The following FMN1 variants were observed in gnomAD, a reference collection of about 807,000 sequenced individuals.
FMN1 encodes the protein formin 1, also known as formin-1.
In FMN1, 110 loss-of-function variants were observed where a neutral mutation model predicts 132.4. That is an observed-to-expected ratio of 0.83 (90% confidence interval 0.71 to 0.97). FMN1 has a LOEUF of 0.97. FMN1 is among the 50% of genes least tolerant of loss of function. The pLI, the probability that FMN1 is intolerant of heterozygous loss-of-function variation, is 0.00. For missense variants in FMN1, 1,792 were observed against 1,705.3 expected (o/e 1.05, Z -0.90); for synonymous variants, 722 against 651.7 (o/e 1.11, Z -1.64).
At chr15:33,132,054 G>C (rs911078081) in intron 4 of FMN1, among the ~76,000 whole-genome samples, 1 of 152,074 alleles carries the variant, frequency 6.6e-6, no homozygotes, top group African/African-American at 2.4e-5. Context: ...ATTCAGACCA[G>C]TTAGGCAAAG....
intron 5 of FMN1, among the ~76,000 whole-genome samples, chr15:33,074,321 T>C (rs1291074659): frequency 2.0e-5 from 3 of 152,210 alleles, no homozygotes; most frequent in African/African-American, 7.2e-5. Context: ...GAGATACCCT[T>C]ACACATCTAG....
chr15:33,093,891 A>G (rs527631436), intron 4 of FMN1, among the ~76,000 whole-genome samples: 1 of 152,326 alleles, frequency 6.6e-6, no homozygotes, highest in Admixed American at 6.5e-5. Context: ...AAAATAAAAC[A>G]AATTTACAGT....
At chr15:32,945,428 T>C (rs1038683937) in intron 9 of FMN1, among the ~76,000 whole-genome samples, 8 of 152,174 alleles carry the variant, frequency 5.3e-5, no homozygotes, top group African/African-American at 1.9e-4. Context: ...TAACAAAGTT[T>C]GCATGACCTT....
intron 7 of FMN1, among the ~76,000 whole-genome samples, chr15:32,993,434 A>G (rs1435283673): frequency 1.3e-5 from 2 of 151,768 alleles, no homozygotes; most frequent in Non-Finnish European, 2.9e-5. Flanking sequence ...ACTGTGTTAT[A>G]CAGACACCTA....
At chr15:33,011,646 C>G (rs2034730514) in intron 6 of FMN1, among the ~76,000 whole-genome samples, 1 of 151,982 alleles carries the variant, frequency 6.6e-6, no homozygotes, top group African/African-American at 2.4e-5. Flanking sequence ...GACAATAGAT[C>G]AATCTATCAT....
chr15:32,926,356 CTGAT>C, intron 9 of FMN1, 95 bp from the exon 10 acceptor site: 1 of 650,878 alleles, frequency 1.5e-6, no homozygotes, highest in Non-Finnish European at 2.6e-6. Context: ...TTTAGATACA[CTGAT>C]TGATGAACTA....
chr15:32,842,200 C>A (rs976064036), intron 17 of FMN1, among the ~76,000 whole-genome samples: 1 of 152,180 alleles, frequency 6.6e-6, no homozygotes, highest in Non-Finnish European at 1.5e-5. Context: ...AAGCCAGTAA[C>A]TATGTAAGAA....
chr15:32,944,504 G>A (rs907439999), intron 9 of FMN1, among the ~76,000 whole-genome samples: 12 of 152,162 alleles, frequency 7.9e-5, no homozygotes, highest in African/African-American at 2.4e-5. Context: ...TCACTGTTTA[G>A]TCAAACTGTT....
At chr15:33,085,361 G>C (rs1362868771) in intron 5 of FMN1, among the ~76,000 whole-genome samples, 1 of 152,050 alleles carries the variant, frequency 6.6e-6, no homozygotes, top group Non-Finnish European at 1.5e-5. Flanking sequence ...AGAAGGGCTT[G>C]AGGTGAGGAA....
intron 6 of FMN1, among the ~76,000 whole-genome samples, chr15:33,062,393 G>C (rs892488991): frequency 6.6e-6 from 1 of 152,058 alleles, no homozygotes; most frequent in Admixed American, 6.6e-5. Flanking sequence ...AGGTCGAGGC[G>C]GGGGGATCAC....
chr15:32,887,632 T>A (rs547323769), intron 16 of FMN1, among the ~76,000 whole-genome samples: 6 of 152,218 alleles, frequency 3.9e-5, no homozygotes, highest in Non-Finnish European at 7.3e-5. Flanking sequence ...ATATGTATGA[T>A]ATACATATAT....
intron 3 of FMN1, among the ~76,000 whole-genome samples, chr15:33,160,173 G>A (rs944808412): frequency 3.9e-5 from 6 of 152,072 alleles, no homozygotes; most frequent in South Asian, 4.2e-4. Flanking sequence ...AACACCATAC[G>A]AAGGGCTTTG....
chr15:32,966,848 G>A lies in FMN1; in HGVS notation c.2987+1866C>T, dbSNP rs533415226. ...TTATGAGAAGGTATCCCAAATAATTGCACTTTTGCTCCTAAGCAAATACTC... is the reference window on the plus strand; with the variant it reads ...TTATGAGAAGGTATCCCAAATAATTACACTTTTGCTCCTAAGCAAATACTC... On this transcript the variant is annotated intron_variant, in intron 8 of 20. Coordinates refer to ENST00000616417, the MANE Select transcript of FMN1 (RefSeq NM_001277313.2). Among the ~76,000 whole-genome samples, 117 of 152,234 alleles carry A rather than the reference G, an allele frequency of 7.7e-4. 1 individual carries two copies. The highest frequency in any genetic ancestry group is 2.7e-3 in the African/African-American group (111 of 41,536).
intron 7 of FMN1, among the ~76,000 whole-genome samples, chr15:32,975,649 A>C (rs1261230713): frequency 1.3e-5 from 2 of 152,072 alleles, no homozygotes; most frequent in African/African-American, 2.4e-5. Context: ...TTTTTAATGA[A>C]GGTATTTCTA....
At chr15:32,957,476 A>G (rs1363499325) in intron 9 of FMN1, among the ~76,000 whole-genome samples, 3 of 151,960 alleles carry the variant, frequency 2.0e-5, no homozygotes, top group Non-Finnish European at 1.5e-5. Flanking sequence ...TTTCAGTGAA[A>G]AGAGACTATA....
At chr15:33,109,480 T>C (rs1194634929) in intron 4 of FMN1, among the ~76,000 whole-genome samples, 8 of 151,974 alleles carry the variant, frequency 5.3e-5, no homozygotes, top group Non-Finnish European at 7.4e-5. Flanking sequence ...AAATGTGGTA[T>C]ATATAACACC....
At chr15:32,844,246 TC>T (rs2058809384) in intron 17 of FMN1, among the ~76,000 whole-genome samples, 1 of 152,188 alleles carries the variant, frequency 6.6e-6, no homozygotes, top group South Asian at 2.1e-4. Flanking sequence ...GCGTTCACTA[TC>T]TTTTTCCATC....
intron 17 of FMN1, among the ~76,000 whole-genome samples, chr15:32,834,389 T>TA (rs1220590956): frequency 6.6e-6 from 1 of 152,154 alleles, no homozygotes; most frequent in Non-Finnish European, 1.5e-5. Flanking sequence ...AGTAAGACCT[T>TA]AATTACATAT....
At chr15:32,797,797 C>T (rs1251365738) in intron 19 of FMN1, among the ~76,000 whole-genome samples, 1 of 152,022 alleles carries the variant, frequency 6.6e-6, no homozygotes, top group Non-Finnish European at 1.5e-5. Flanking sequence ...TTTTGCTCCT[C>T]TTACTAGTGT....
Sources: allele counts gnomAD v4.1 joint callset (sites outside exome capture counted in the v4.1 genomes callset), GRCh38; gene constraint gnomAD v4.1.1; transcripts MANE v1.5; gene names NCBI Gene and HGNC (gene_info 2026-07-23, HGNC 2026-07-21).